Variants in GRIP1 observed in about 807,000 individuals in gnomAD.
The protein encoded by GRIP1 is glutamate receptor-interacting protein 1.
Under a neutral mutation model 129.9 loss-of-function variants are expected in GRIP1, and 45 were observed. The observed-to-expected ratio is 0.35, with a 90% CI of 0.27 to 0.44. The LOEUF (loss-of-function observed/expected upper bound fraction) is 0.44. GRIP1 is among the 20% of genes least tolerant of loss of function. The pLI is 1.00. For missense variants in GRIP1, 1,196 were observed against 1,396.8 expected, an observed-to-expected ratio of 0.86 and a Z score of 2.29; for synonymous variants, 530 against 520.8, an observed-to-expected ratio of 1.02 and a Z score of -0.24.
intron 1 of GRIP1, among the ~76,000 whole-genome samples, chr12:66,646,441 T>A (rs1298038034): frequency 6.6e-6 from 1 of 152,120 alleles, no homozygotes; most frequent in East Asian, 1.9e-4. Flanking sequence ...CTGGCCAACA[T>A]GGCAAAACTC....
intron 7 of GRIP1, among the ~76,000 whole-genome samples, chr12:66,475,955 A>C (rs183920611): frequency 3.3e-5 from 5 of 152,348 alleles, no homozygotes; most frequent in South Asian, 2.1e-4. Flanking sequence ...CACAATTAAA[A>C]GAACTAGAGA....
At chr12:66,528,687 A>G (rs11176245) in intron 5 of GRIP1, among the ~76,000 whole-genome samples, 20,762 of 152,184 alleles carry the variant, frequency 0.14, 1,515 homozygotes, top group East Asian at 0.24. Context: ...GAAAAATATA[A>G]AAGGAAAGAC....
At chr12:66,930,005 G>A (rs2041361674) in intron 1 of GRIP1, among the ~76,000 whole-genome samples, 1 of 144,672 alleles carries the variant, frequency 6.9e-6, no homozygotes, top group Admixed American at 6.9e-5. Context: ...TTTTTCCCTT[G>A]CCATCTTTTG....
intron 1 of GRIP1, among the ~76,000 whole-genome samples, chr12:66,941,831 T>C (rs950478775): frequency 6.6e-6 from 1 of 152,208 alleles, no homozygotes; most frequent in East Asian, 1.9e-4. Flanking sequence ...TCTAGCACTA[T>C]TCAGTGGAGG....
intron 1 of GRIP1, among the ~76,000 whole-genome samples, chr12:67,067,275 A>G (rs1197784238): frequency 6.6e-6 from 1 of 152,152 alleles, no homozygotes; most frequent in Non-Finnish European, 1.5e-5. Context: ...AAAGACATAC[A>G]AGTACATTTC....
At chr12:66,604,011 C>T (rs61926087) in intron 1 of GRIP1, among the ~76,000 whole-genome samples, 51,259 of 152,100 alleles carry the variant, frequency 0.34, 8,939 homozygotes, top group Non-Finnish European at 0.37. Flanking sequence ...TGCCTCATGG[C>T]AGGGACATGA....
intron 6 of GRIP1, among the ~76,000 whole-genome samples, chr12:66,516,919 C>T (rs965053352): frequency 2.0e-5 from 3 of 152,172 alleles, no homozygotes; most frequent in African/African-American, 4.8e-5. Flanking sequence ...TTACTCACTG[C>T]CATACTGGCA....
chr12:66,519,079 A>G (rs762816514), intron 5 of GRIP1, among the ~76,000 whole-genome samples: 7 of 152,262 alleles, frequency 4.6e-5, no homozygotes, highest in Non-Finnish European at 1.0e-4. Context: ...GCCTGCTAGA[A>G]CAGATGGACA....
intron 1 of GRIP1, among the ~76,000 whole-genome samples, chr12:66,941,875 A>G (rs1379663250): frequency 6.6e-6 from 1 of 152,160 alleles, no homozygotes; most frequent in Non-Finnish European, 1.5e-5. Context: ...AATTTATCAG[A>G]TCTCTTCAGC....
chr12:66,623,423 G>C (rs1407535264), intron 1 of GRIP1, among the ~76,000 whole-genome samples: 1 of 152,054 alleles, frequency 6.6e-6, no homozygotes, highest in Non-Finnish European at 1.5e-5. Flanking sequence ...ACTGGGATTG[G>C]GCCTACTTAA....
intron 4 of GRIP1, among the ~76,000 whole-genome samples, chr12:66,533,371 C>T (rs902718284): frequency 2.0e-5 from 3 of 151,560 alleles, no homozygotes; most frequent in Admixed American, 1.3e-4. Flanking sequence ...TCAGGCCGGG[C>T]GTGGTGGCTC....
Position 66,962,642 on chromosome 12 carries a change from A to G in GRIP1, c.58+106408T>C, listed in dbSNP as rs566219816. On this transcript the variant is annotated intron_variant, in intron 1 of 1. Coordinates refer to the GRIP1 transcript ENST00000643019. The stretch of plus-strand genomic sequence containing the variant: ...AACATACACTTTAATGAGCCAGTAA[A>G]TGTGCAGGGGTCCAGGACTTTTAAA... Among the ~76,000 whole-genome samples the G allele has an allele frequency of 8.5e-5, 13 of 152,298 alleles. No homozygotes were observed. The East Asian group carries it at 2.3e-3, about 27-fold the overall frequency.
intron 1 of GRIP1, among the ~76,000 whole-genome samples, chr12:66,929,761 C>T (rs10878535): frequency 0.072 from 10,970 of 152,212 alleles, 572 homozygotes; most frequent in East Asian, 0.3. Context: ...AGAAACTTGT[C>T]TTATTCACAT....
intron 1 of GRIP1, among the ~76,000 whole-genome samples, chr12:66,915,130 G>A (rs1208626611): frequency 6.6e-6 from 1 of 152,214 alleles, no homozygotes; most frequent in South Asian, 2.1e-4. Flanking sequence ...ATATTGGACA[G>A]AAAGTCCAAA....
At chr12:66,874,033 T>A (rs1047240443) in intron 1 of GRIP1, among the ~76,000 whole-genome samples, 2 of 152,130 alleles carry the variant, frequency 1.3e-5, no homozygotes, top group African/African-American at 4.8e-5. Flanking sequence ...TTGAAGGACA[T>A]CTGTCTTCAT....
chr12:66,804,029 C>G (rs986206096), intron 1 of GRIP1: 19 of 438,140 alleles, frequency 4.3e-5, no homozygotes, highest in Non-Finnish European at 2.8e-5. Flanking sequence ...GAGAAGGAAC[C>G]GGAGGATGGA....
At chr12:66,915,185 T>C (rs1161450410) in intron 1 of GRIP1, among the ~76,000 whole-genome samples, 1 of 152,218 alleles carries the variant, frequency 6.6e-6, no homozygotes, top group African/African-American at 2.4e-5. Context: ...ATGTTGCTTC[T>C]GACATGTTCC....
intron 4 of GRIP1, among the ~76,000 whole-genome samples, chr12:66,538,627 G>A (rs1287516982): frequency 1.3e-5 from 2 of 151,936 alleles, no homozygotes. Context: ...TTTTGAGACA[G>A]GGCCTTGCTA....
chr12:66,487,922 G>A (rs2059998354), intron 7 of GRIP1, among the ~76,000 whole-genome samples: 1 of 152,166 alleles, frequency 6.6e-6, no homozygotes, highest in African/African-American at 2.4e-5. Flanking sequence ...CCAACAAGAA[G>A]AGCTAACTAT....
Sources: allele counts gnomAD v4.1 joint callset (sites outside exome capture counted in the v4.1 genomes callset), GRCh38; gene constraint gnomAD v4.1.1; transcripts MANE v1.5; gene names NCBI Gene and HGNC (gene_info 2026-07-23, HGNC 2026-07-21).